Variants in IGSF10 observed in about 807,000 individuals in gnomAD.
IGSF10 encodes the protein immunoglobulin superfamily member 10.
A neutral mutation model predicts 128.2 loss-of-function variants in IGSF10; 126 were observed. The ratio of observed to expected loss-of-function variants is 0.98; its 90% CI spans 0.85 to 1.14. The LOEUF is 1.14. IGSF10 is among the 50% of genes most tolerant of loss of function. IGSF10 has a pLI of 0.00. For synonymous variants in IGSF10, 1,185 were observed against 1,146.2 expected (o/e 1.03, Z -0.68); for missense variants, 3,295 against 3,149.8 (o/e 1.05, Z -1.10).
At chr3:151,575,159 AC>A in the IGSF10 span, among the ~76,000 whole-genome samples, 1 of 152,274 alleles carries the variant, frequency 6.6e-6, no homozygotes, top group Non-Finnish European at 1.5e-5. Context: ...GTCAGCCCCT[AC>A]TGGAAGGTGT....
the IGSF10 span, among the ~76,000 whole-genome samples, chr3:151,594,479 A>T: frequency 6.6e-6 from 1 of 151,508 alleles, no homozygotes; most frequent in Admixed American, 6.6e-5. Flanking sequence ...GACTACAGGC[A>T]CCCGCCACCA....
At chr3:151,530,600 T>C in the IGSF10 span, among the ~76,000 whole-genome samples, 2 of 152,282 alleles carry the variant, frequency 1.3e-5, no homozygotes, top group Admixed American at 6.5e-5. Context: ...CAGAATTTCA[T>C]ATCCAACCAA....
At chr3:151,512,629 A>C in the IGSF10 span, among the ~76,000 whole-genome samples, 2 of 152,194 alleles carry the variant, frequency 1.3e-5, no homozygotes, top group African/African-American at 4.8e-5. Flanking sequence ...GAACTGAAGG[A>C]AATAGAGACA....
chr3:151,532,436 C>G, the IGSF10 span, among the ~76,000 whole-genome samples: 1 of 152,144 alleles, frequency 6.6e-6, no homozygotes, highest in Non-Finnish European at 1.5e-5. Context: ...CAATAAAATA[C>G]TGGCAAACCG....
chr3:151,434,859 T>G (rs1264843282), downstream of IGSF10: 1 of 152,252 alleles, frequency 6.6e-6, no homozygotes, highest in Non-Finnish European at 1.5e-5. Context: ...AGTTAAATTA[T>G]TAATCATTTT....
the IGSF10 span, among the ~76,000 whole-genome samples, chr3:151,575,803 C>T: frequency 1.3e-5 from 2 of 152,266 alleles, no homozygotes; most frequent in Admixed American, 1.3e-4. Flanking sequence ...CCATCTTCTG[C>T]GTTGATCACA....
the IGSF10 span, among the ~76,000 whole-genome samples, chr3:151,501,693 A>G: frequency 6.6e-6 from 1 of 152,134 alleles, no homozygotes; most frequent in African/African-American, 2.4e-5. Flanking sequence ...CCAACAAACA[A>G]AATGATAGTC....
upstream of IGSF10, among the ~76,000 whole-genome samples, chr3:151,464,506 GTATT>G (rs34992334): frequency 0.8 from 122,041 of 151,674 alleles, 49,580 homozygotes; most frequent in Middle Eastern, 0.96. Context: ...CCTAATCAGA[GTATT>G]TATTTAACAC....
At chr3:151,609,072 T>C in the IGSF10 span, among the ~76,000 whole-genome samples, 1 of 152,204 alleles carries the variant, frequency 6.6e-6, no homozygotes, top group East Asian at 1.9e-4. Context: ...ACGACTGCTT[T>C]AGAGGAAAAC....
chr3:151,602,945 C>T, the IGSF10 span, among the ~76,000 whole-genome samples: 2 of 152,188 alleles, frequency 1.3e-5, no homozygotes, highest in African/African-American at 2.4e-5. Context: ...GGTTGAAGGA[C>T]AAATCTTGTA....
rs148320480 is a variant in IGSF10 at position 151,436,835 on chromosome 3, C to T, written c.7726G>A (p.Glu2576Lys). ...DHSLLSTASK[E>K]RTHGSEQLHL... ...AGCTGCTCACTTCCATGTGTCCTCTCTTTACTTGCCGTTGAGAGAAGGGAG... is the reference window on the plus strand; with the variant it reads ...AGCTGCTCACTTCCATGTGTCCTCTTTTTACTTGCCGTTGAGAGAAGGGAG... Residue 2576 changes from glutamate to lysine, a missense_variant, in exon 8 of 8, where the codon GAG (glutamate) becomes AAG (lysine). Coordinates refer to ENST00000282466, the MANE Select transcript of IGSF10 (RefSeq NM_178822.5). 6.2e-7 allele frequency: 1 copy of T among 1,614,196 alleles called. No individual in the cohort carries two copies. Among genetic ancestry groups the T allele is most frequent in the Non-Finnish European group, 8.5e-7 (1 of 1,180,044 alleles).
At chr3:151,500,215 A>G in the IGSF10 span, among the ~76,000 whole-genome samples, 20 of 152,284 alleles carry the variant, frequency 1.3e-4, no homozygotes, top group Non-Finnish European at 2.5e-4. Flanking sequence ...TTCTATTTTA[A>G]GCTTTAATTT....
At chr3:151,577,765 G>A in the IGSF10 span, among the ~76,000 whole-genome samples, 1 of 152,054 alleles carries the variant, frequency 6.6e-6, no homozygotes, top group Non-Finnish European at 1.5e-5. Flanking sequence ...GCATCAGAGA[G>A]TTGAGTTAAT....
At chr3:151,509,123 A>G in the IGSF10 span, among the ~76,000 whole-genome samples, 1 of 152,224 alleles carries the variant, frequency 6.6e-6, no homozygotes, top group African/African-American at 2.4e-5. Flanking sequence ...GAATATCAGT[A>G]TCTGTTAACT....
chr3:151,558,199 A>G, the IGSF10 span, among the ~76,000 whole-genome samples: 1 of 150,198 alleles, frequency 6.7e-6, no homozygotes, highest in African/African-American at 2.5e-5. Context: ...TTTAAAAGAC[A>G]TGAGATATGA....
the IGSF10 span, among the ~76,000 whole-genome samples, chr3:151,608,923 A>G: frequency 4.3e-4 from 66 of 152,314 alleles, no homozygotes; most frequent in Admixed American, 7.8e-4. Context: ...AACCACCTGT[A>G]GAGGGTTTTG....
chr3:151,471,261 A>T, the IGSF10 span, among the ~76,000 whole-genome samples: 1 of 151,770 alleles, frequency 6.6e-6, no homozygotes, highest in Non-Finnish European at 1.5e-5. Flanking sequence ...TTAATTAAAA[A>T]CCTCTTTCCT....
chr3:151,493,886 C>T, the IGSF10 span, among the ~76,000 whole-genome samples: 1 of 151,582 alleles, frequency 6.6e-6, no homozygotes, highest in East Asian at 1.9e-4. Context: ...GATTGCTAGC[C>T]CACAGAAACT....
the IGSF10 span, among the ~76,000 whole-genome samples, chr3:151,542,408 T>C: frequency 1.3e-5 from 2 of 152,168 alleles, no homozygotes; most frequent in Non-Finnish European, 2.9e-5. Context: ...CACAGAAGTA[T>C]ATAGGGATAA....
Sources: gnomAD v4.1 joint callset for allele counts (sites outside exome capture counted in the v4.1 genomes callset) on GRCh38, gnomAD v4.1.1 for gene constraint, MANE v1.5 for transcripts, NCBI Gene and HGNC (gene_info 2026-07-23, HGNC 2026-07-21) for gene names.